ULK4: variants seen among roughly 807,000 people sequenced by gnomAD.
ULK4 encodes unc-51 like kinase 4, also known as inactive serine/threonine-protein kinase ULK4.
Under a neutral mutation model 160.6 loss-of-function variants are expected in ULK4, and 133 were observed. The ratio of observed to expected loss-of-function variants is 0.83; its 90% CI spans 0.72 to 0.96. ULK4 has a LOEUF of 0.96. ULK4 is among the 40% of genes least tolerant of loss of function. The pLI, the probability that ULK4 is intolerant of heterozygous loss-of-function variation, is 0.00. For missense variants in ULK4, 1,580 were observed against 1,499.5 expected (o/e 1.05, Z -0.89); for synonymous variants, 534 against 539.8 (o/e 0.99, Z 0.15).
At chr3:41,728,439 C>G (rs2037721600) in intron 22 of ULK4, among the ~76,000 whole-genome samples, 1 of 152,066 alleles carries the variant, frequency 6.6e-6, no homozygotes, top group African/African-American at 2.4e-5. Context: ...ATAACCAGCT[C>G]TGGTGAGAAC....
At chr3:41,855,199 A>ACCT (rs977541183) in intron 17 of ULK4, among the ~76,000 whole-genome samples, 1 of 137,682 alleles carries the variant, frequency 7.3e-6, no homozygotes, top group Admixed American at 6.9e-5. Flanking sequence ...AATATAGGGT[A>ACCT]CCTTGACCAC....
rs1473185889 is a variant in ULK4 at position 41,465,462 on chromosome 3, G to A, written c.3227-2209C>T. Among the ~76,000 whole-genome samples, 3 of 152,088 alleles carry A rather than the reference G, an allele frequency of 2.0e-5. No individual in the cohort carries two copies. The South Asian group carries it at 6.2e-4, about 32-fold the overall frequency. On this transcript the variant is annotated intron_variant, in intron 32 of 36. Transcript: ENST00000301831. ...CAATGTATTTTTTATATACTCAACTGTCTCAAAACTATTTTTTTACAATTA... is the reference window on the plus strand; with the variant it reads ...CAATGTATTTTTTATATACTCAACTATCTCAAAACTATTTTTTTACAATTA...
At chr3:41,931,170 T>C (rs1699582720) in intron 5 of ULK4, among the ~76,000 whole-genome samples, 1 of 152,204 alleles carries the variant, frequency 6.6e-6, no homozygotes, top group Non-Finnish European at 1.5e-5. Context: ...GATGAGTTCA[T>C]GTCCTTTGCA....
At chr3:41,821,369 C>T (rs1297626584) in intron 18 of ULK4, among the ~76,000 whole-genome samples, 3 of 152,118 alleles carry the variant, frequency 2.0e-5, no homozygotes, top group African/African-American at 7.2e-5. Context: ...CTTATCACCA[C>T]CCTCCCTGAA....
At chr3:41,684,585 C>T (rs966942373) in intron 27 of ULK4, among the ~76,000 whole-genome samples, 1 of 152,194 alleles carries the variant, frequency 6.6e-6, no homozygotes, top group Non-Finnish European at 1.5e-5. Flanking sequence ...TTGTCCCAAA[C>T]GTGTCAAGCA....
At chr3:41,528,445 A>C (rs1031384586) in intron 32 of ULK4, among the ~76,000 whole-genome samples, 2 of 152,188 alleles carry the variant, frequency 1.3e-5, no homozygotes, top group African/African-American at 2.4e-5. Flanking sequence ...ATGTTTTGGG[A>C]ACTATAGCAT....
intron 22 of ULK4, among the ~76,000 whole-genome samples, chr3:41,718,387 C>T (rs1331274996): frequency 6.6e-6 from 1 of 152,190 alleles, no homozygotes; most frequent in Non-Finnish European, 1.5e-5. Flanking sequence ...ATGATACCTG[C>T]CTTTTAAAGC....
intron 32 of ULK4, among the ~76,000 whole-genome samples, chr3:41,504,735 T>C (rs2085321931): frequency 6.6e-6 from 1 of 152,232 alleles, no homozygotes; most frequent in African/African-American, 2.4e-5. Context: ...CATCAATATA[T>C]AGTTACACTT....
intron 32 of ULK4, among the ~76,000 whole-genome samples, chr3:41,563,314 G>T (rs182989307): frequency 7.8e-4 from 118 of 152,140 alleles, no homozygotes; most frequent in Non-Finnish European, 1.6e-3. Flanking sequence ...TTCAACCTTG[G>T]TGAATCTGAC....
At chr3:41,691,765 G>C (rs1188576800) in intron 27 of ULK4, among the ~76,000 whole-genome samples, 3 of 151,772 alleles carry the variant, frequency 2.0e-5, no homozygotes, top group Middle Eastern at 3.4e-3. Context: ...TCATGTTACA[G>C]GATGTTTGGA....
chr3:41,396,123 A>G (rs1356825010), intron 35 of ULK4, among the ~76,000 whole-genome samples: 1 of 151,990 alleles, frequency 6.6e-6, no homozygotes, highest in Non-Finnish European at 1.5e-5. Flanking sequence ...TTTTTTTCGT[A>G]AGTTTTGTTC....
intron 34 of ULK4, among the ~76,000 whole-genome samples, chr3:41,441,087 T>A (rs9841849): frequency 6.6e-6 from 1 of 151,830 alleles, no homozygotes; most frequent in African/African-American, 2.4e-5. Context: ...TCTCAAAGAA[T>A]TGGGTTTTGA....
chr3:41,750,945 A>G (rs1278934011), intron 22 of ULK4, among the ~76,000 whole-genome samples: 13 of 148,056 alleles, frequency 8.8e-5, no homozygotes, highest in South Asian at 2.2e-4. Flanking sequence ...AGCTGAGATT[A>G]AGTGAGACTC....
At chr3:41,585,199 A>AG (rs2030699353) in intron 31 of ULK4, among the ~76,000 whole-genome samples, 1 of 152,112 alleles carries the variant, frequency 6.6e-6, no homozygotes, top group African/African-American at 2.4e-5. Context: ...AAAAGACCTA[A>AG]AAAAGCCAAA....
chr3:41,716,503 A>C (rs569850793), intron 23 of ULK4, among the ~76,000 whole-genome samples: 4 of 152,264 alleles, frequency 2.6e-5, no homozygotes, highest in South Asian at 4.1e-4. Context: ...TACAATCCGA[A>C]ATAAATTTTG....
intron 17 of ULK4, among the ~76,000 whole-genome samples, chr3:41,869,593 A>G (rs1697018547): frequency 6.6e-6 from 1 of 152,182 alleles, no homozygotes; most frequent in South Asian, 2.1e-4. Context: ...AAACACTCAC[A>G]TATACAATAT....
At position 41,246,952 on chromosome 3, in the gene ULK4, T is replaced by C. The variant is rs752435686; in HGVS notation, c.3805A>G (p.Ile1269Val). The stretch of plus-strand genomic sequence containing the variant: ...GCCTAGTGCCCAACGGCTTGGAGGA[T>C]TTCCAGGGCCAAGGGAGCCACCGCA... ...DSAVAPLALE[I>V]LQAVGH Residue 1269 changes from isoleucine (I) to valine (V), a missense_variant, in exon 37 of 37, where the codon ATC (isoleucine) becomes GTC (valine). By Grantham distance (29) the Ile-to-Val change is conservative (BLOSUM62 3). Coordinates refer to ENST00000301831, the MANE Select transcript of ULK4 (RefSeq NM_017886.4). 1.2e-6 allele frequency: 2 copies of C among 1,613,704 alleles called. No individual in the cohort carries two copies. Among genetic ancestry groups the C allele is most frequent in the South Asian group, 1.1e-5 (1 of 90,942 alleles).
intron 35 of ULK4, among the ~76,000 whole-genome samples, chr3:41,290,581 G>A (rs1042824986): frequency 1.3e-5 from 2 of 149,910 alleles, no homozygotes; most frequent in South Asian, 4.2e-4. Context: ...TAACTAGTGG[G>A]TTTCCACTGG....
intron 32 of ULK4, among the ~76,000 whole-genome samples, chr3:41,550,214 GAGA>G (rs1165986348): frequency 6.6e-6 from 1 of 151,922 alleles, no homozygotes. Context: ...AACAATAAAA[GAGA>G]AAGAAAGAAA....
Sources: allele counts gnomAD v4.1 joint callset (sites outside exome capture counted in the v4.1 genomes callset), GRCh38; gene constraint gnomAD v4.1.1; transcripts MANE v1.5; gene names NCBI Gene and HGNC (gene_info 2026-07-23, HGNC 2026-07-21).